Variants in UBR3 observed in about 807,000 individuals in gnomAD.
UBR3 encodes ubiquitin protein ligase E3 component n-recognin 3.
A neutral mutation model predicts 243.2 loss-of-function variants in UBR3; 85 were observed. That is an observed-to-expected ratio of 0.35 (90% CI 0.29 to 0.42). The LOEUF (loss-of-function observed/expected upper bound fraction) is 0.42. UBR3 is among the 10% of genes least tolerant of loss of function. UBR3 has a pLI of 1.00. For synonymous variants in UBR3, 748 were observed against 799.8 expected (o/e 0.94, Z 1.09); for missense variants, 1,686 against 2,300.8 (o/e 0.73, Z 5.47).
intron 6 of UBR3, among the ~76,000 whole-genome samples, chr2:169,894,685 A>G (rs2105326964): frequency 6.6e-6 from 1 of 152,296 alleles, no homozygotes; most frequent in South Asian, 2.1e-4. Context: ...GAAGAAGTAT[A>G]AAGCTGGGGT....
intron 24 of UBR3, among the ~76,000 whole-genome samples, chr2:169,982,414 A>G (rs2105384783): frequency 6.6e-6 from 1 of 152,184 alleles, no homozygotes; most frequent in East Asian, 1.9e-4. Context: ...GGCAAAGGCT[A>G]TTTTGTAATT....
chr2:169,963,720 A>T (rs2087683268), intron 24 of UBR3, among the ~76,000 whole-genome samples: 1 of 152,204 alleles, frequency 6.6e-6, no homozygotes, highest in Non-Finnish European at 1.5e-5. Context: ...AACCTAGGTT[A>T]TACCCTTACA....
chr2:170,014,383 A>G (rs60930647), intron 29 of UBR3: 7,675 of 147,208 alleles, frequency 0.052, 389 homozygotes, highest in African/African-American at 0.13. Flanking sequence ...GGGAGACAGT[A>G]TCTCACTATT....
chr2:169,829,814 T>TACAC (rs10530118), intron 1 of UBR3, among the ~76,000 whole-genome samples: 3,211 of 149,192 alleles, frequency 0.022, 42 homozygotes, highest in East Asian at 0.04. Context: ...AGCTAAAAAG[T>TACAC]ACACACACAC....
At chr2:169,847,483 C>T (rs2082521937) in intron 1 of UBR3, among the ~76,000 whole-genome samples, 1 of 151,928 alleles carries the variant, frequency 6.6e-6, no homozygotes, top group African/African-American at 2.4e-5. Flanking sequence ...TTTAAATTTC[C>T]CTCTAAGCCT....
chr2:169,969,219 C>G (rs927116863), intron 24 of UBR3, among the ~76,000 whole-genome samples: 1 of 152,070 alleles, frequency 6.6e-6, no homozygotes, highest in Non-Finnish European at 1.5e-5. Context: ...TCTATTTTTG[C>G]TTTTGTTGCT....
In UBR3 at chr2:169,946,371, T is replaced by C. The variant is rs1559121455; in HGVS notation, c.2889T>C (p.Ala963=). The C allele has an allele frequency of 8.0e-6, 12 of 1,501,612 alleles. No individual in the cohort carries two copies. The South Asian group carries it at 1.1e-4, about 13-fold the overall frequency. 93.0% of individuals were successfully genotyped at this position (1,501,612 alleles called of 1,614,324 possible). Residue 963 remains alanine (A), a synonymous_variant, in exon 21 of 39, where the codon GCT becomes GCC. Transcript: ENST00000272793. The stretch of plus-strand genomic sequence containing the variant: ...TTGAATTAGGACTTGAAAATTCTGC[T>C]GAAGAAGAATCAGATGAAGAGGTAA... ...YLIELGLENS[A]EEESDEEASV...
chr2:169,827,708 G>T lies in UBR3; in HGVS notation c.201G>T (p.Ala67=). ...RVLSAERPLA[A]AAGGEDAAAA... ...TGAGCGCCGAGCGGCCGCTGGCCGC[G>T]GCTGCCGGCGGCGAGGACGCGGCGG... Residue 67 remains alanine (A), a synonymous_variant, in exon 1 of 39, where the codon GCG becomes GCT. Transcript: ENST00000272793. The T allele has an allele frequency of 1.6e-6, 2 of 1,222,138 alleles. No homozygotes were observed. The highest frequency in any genetic ancestry group is 8.2e-5 in the South Asian group (2 of 24,458). 75.7% of individuals were successfully genotyped at this position (1,222,138 alleles called of 1,614,324 possible).
At chr2:169,988,204 A>G (rs567636288) in intron 25 of UBR3, among the ~76,000 whole-genome samples, 1 of 152,348 alleles carries the variant, frequency 6.6e-6, no homozygotes, top group African/African-American at 2.4e-5. Flanking sequence ...TTCGTGATTA[A>G]ATACTATATA....
intron 18 of UBR3, among the ~76,000 whole-genome samples, chr2:169,932,608 C>G (rs2105350397): frequency 6.6e-6 from 1 of 152,210 alleles, no homozygotes; most frequent in African/African-American, 2.4e-5. Context: ...GTGTTTCTTT[C>G]TAATTGGCAC....
At chr2:169,953,695 A>G (rs16823117) in intron 23 of UBR3, among the ~76,000 whole-genome samples, 18 of 152,244 alleles carry the variant, frequency 1.2e-4, no homozygotes, top group Admixed American at 1.2e-3. Context: ...ATTAGTGTCA[A>G]GCAGTTACAT....
intron 23 of UBR3, among the ~76,000 whole-genome samples, chr2:169,955,437 C>T (rs921947700): frequency 2.0e-5 from 3 of 151,790 alleles, no homozygotes; most frequent in Admixed American, 6.6e-5. Flanking sequence ...AGCTGGTTTC[C>T]GGGTCCTTTT....
chr2:169,847,463 T>C (rs2082521036), intron 1 of UBR3, among the ~76,000 whole-genome samples: 1 of 152,204 alleles, frequency 6.6e-6, no homozygotes, highest in South Asian at 2.1e-4. Context: ...AACCTTATAA[T>C]AGTTTGCTTT....
Position 170,061,430 on chromosome 2 carries a change from T to C in UBR3, c.5006T>C (p.Leu1669Ser), listed in dbSNP as rs772212388. The C allele has an allele frequency of 1.2e-6, 2 of 1,613,792 alleles. No individual in the cohort carries two copies. The highest frequency in any genetic ancestry group is 2.2e-5 in the South Asian group (2 of 91,008). ...LLQHHLFGED[L>S]PSCQEEEEFS... ...CAGCACCACCTTTTTGGGGAAGATT[T>C]ACCTAGCTGCCAGGTAGATAATTTG... is the stretch of plus-strand genomic sequence containing the variant. The change falls in exon 35 of 39, where the codon TTA becomes TCA. Residue 1669 changes from leucine to serine, a missense_variant. By Grantham distance (145) the Leu-to-Ser change is moderately radical. This residue lies in a region of UBR3 where 371 missense variants were observed against 422.5 expected (regional missense o/e 0.88). Transcript: ENST00000272793.
rs80098227 is a variant in UBR3 at position 169,905,906 on chromosome 2, A to G, written c.1646-125A>G. 2.5e-3 allele frequency: 2,591 copies of G among 1,022,708 alleles called. 55 individuals carry two copies. In the African/African-American group the frequency reaches 0.04, roughly 16 times the overall value. 63.4% of individuals were successfully genotyped at this position (1,022,708 alleles called of 1,614,324 possible). A position where few individuals can be genotyped will look rare whatever the true frequency, so the allele number is the denominator to read the frequency against. ...TTTTTAGTAATTTACTTATTTCTAT[A>G]TGTACTGTGTCAGTAATGCTATTTG... On this transcript the variant is annotated intron_variant, in intron 9 of 38. Coordinates refer to ENST00000272793, the MANE Select transcript of UBR3 (RefSeq NM_172070.4).
intron 30 of UBR3, among the ~76,000 whole-genome samples, chr2:170,021,809 C>A (rs1001115169): frequency 3.3e-5 from 5 of 152,080 alleles, no homozygotes; most frequent in African/African-American, 1.2e-4. Context: ...TTTAAATTTT[C>A]TTTAAGGCCT....
At chr2:170,040,773 G>T in intron 31 of UBR3, 109 bp from the exon 32 acceptor site, 7 of 845,654 alleles carry the variant, frequency 8.3e-6, no homozygotes, top group South Asian at 5.4e-5. Context: ...TTTCTTCTTT[G>T]TGTATTAAAG....
intron 18 of UBR3, 110 bp from the exon 19 acceptor site, chr2:169,932,797 CAGATT>C (rs1246554171): frequency 1.2e-6 from 1 of 859,918 alleles, no homozygotes; most frequent in Non-Finnish European, 1.8e-6. Context: ...ATACTATAAT[CAGATT>C]AAATTGTTCT....
In UBR3 at chr2:169,912,440, A is replaced by T. The variant is rs575116858; in HGVS notation, c.1780-1620A>T. Among the ~76,000 whole-genome samples the T allele has an allele frequency of 1.6e-3, 244 of 152,264 alleles. 2 individuals are homozygous for T. The highest frequency in any genetic ancestry group is 2.9e-3 in the Non-Finnish European group (199 of 68,004). ...TAAATCTACCTAGTTTGGACATTTC[A>T]TATAAATGGAATCCTATAATATGTG... On this transcript the variant is annotated intron_variant, in intron 10 of 38. Coordinates refer to ENST00000272793, the MANE Select transcript of UBR3 (RefSeq NM_172070.4).
Sources: gnomAD v4.1 joint callset for allele counts (sites outside exome capture counted in the v4.1 genomes callset) on GRCh38, gnomAD v4.1.1 for gene constraint, gnomAD v4.1.1 regional missense constraint, MANE v1.5 for transcripts, NCBI Gene and HGNC (gene_info 2026-07-23, HGNC 2026-07-21) for gene names.